The following HNRNPM variants were observed in gnomAD, a reference collection of about 807,000 sequenced individuals.
HNRNPM encodes the protein heterogeneous nuclear ribonucleoprotein M.
HNRNPM carries 11 observed loss-of-function variants against 73.1 expected under a neutral mutation model. That is an observed-to-expected ratio of 0.15 (90% confidence interval 0.09 to 0.25). The LOEUF is 0.25. HNRNPM is among the 10% of genes least tolerant of loss of function. The pLI is 1.00. For synonymous variants in HNRNPM, 407 were observed against 355.2 expected (o/e 1.15, Z -1.64); for missense variants, 789 against 1,067.9 (o/e 0.74, Z 3.64).
At chr19:8,478,950 T>C (rs75333886) in intron 12 of HNRNPM, among the ~76,000 whole-genome samples, 6,096 of 152,244 alleles carry the variant, frequency 0.04, 263 homozygotes, top group African/African-American at 0.1. Context: ...CAGAGGCATC[T>C]AGACCGACTA....
chr19:8,446,510 A>T (rs372564810), intron 1 of HNRNPM, among the ~76,000 whole-genome samples: 1 of 152,176 alleles, frequency 6.6e-6, no homozygotes, highest in African/African-American at 2.4e-5. Flanking sequence ...CCTGGGCTCA[A>T]TCGATCCTTC....
At chr19:8,472,289 A>G (rs761105222) in intron 10 of HNRNPM, among the ~76,000 whole-genome samples, 1 of 151,768 alleles carries the variant, frequency 6.6e-6, no homozygotes, top group African/African-American at 2.4e-5. Context: ...ATTAAGGAAT[A>G]TGTCATTTTT....
chr19:8,487,164 C>T (rs763864762), intron 15 of HNRNPM, 89 bp downstream of exon 15: 1 of 1,102,384 alleles, frequency 9.1e-7, no homozygotes, highest in Non-Finnish European at 1.4e-6. Context: ...TCCCAGCCCC[C>T]TCCGTCGGCT....
chr19:8,450,208 G>A (rs1968507963), intron 1 of HNRNPM, among the ~76,000 whole-genome samples: 1 of 152,160 alleles, frequency 6.6e-6, no homozygotes, highest in Admixed American at 6.5e-5. Flanking sequence ...TCTCACACGG[G>A]CAGAGGGGTC....
At chr19:8,485,003 G>T (rs182074905) in intron 13 of HNRNPM, among the ~76,000 whole-genome samples, 1 of 151,906 alleles carries the variant, frequency 6.6e-6, no homozygotes. Context: ...CCAGCTGTGT[G>T]CATTTGTACA....
Position 8,462,685 on chromosome 19 carries a change from T to C in HNRNPM, c.336+104T>C. 1 of 949,834 alleles carries C rather than the reference T, an allele frequency of 1.1e-6. No homozygotes were observed. The allele number at this position is 949,834 out of a possible 1,614,324, so 58.8% of individuals were successfully genotyped here. ...ATCAGGAAGGCAGTGAGTGCTCATGTTACAGTAGCTATGTTTGATTTTGCC... is the reference window on the plus strand; with the variant it reads ...ATCAGGAAGGCAGTGAGTGCTCATGCTACAGTAGCTATGTTTGATTTTGCC... On this transcript the variant is annotated intron_variant, in intron 3 of 15. Coordinates refer to ENST00000325495, the MANE Select transcript of HNRNPM (RefSeq NM_005968.5). The surrounding 1 kb of genome is among the most constrained non-coding windows in gnomAD (Gnocchi z 4.5).
At chr19:8,486,451 G>A (rs1361122983) in intron 14 of HNRNPM, 46 bp downstream of exon 14, 1 of 1,479,242 alleles carries the variant, frequency 6.8e-7, no homozygotes, top group South Asian at 1.3e-5. Context: ...AGCATGAGGG[G>A]ACAGGGGAGG....
At chr19:8,454,811 C>G (rs962256303) in intron 1 of HNRNPM, among the ~76,000 whole-genome samples, 3 of 151,390 alleles carry the variant, frequency 2.0e-5, no homozygotes, top group African/African-American at 2.4e-5. Context: ...CTGTTTCTGT[C>G]TTGGAATTAA....
chr19:8,447,858 C>T (rs1232050478), intron 1 of HNRNPM, among the ~76,000 whole-genome samples: 1 of 152,158 alleles, frequency 6.6e-6, no homozygotes, highest in Non-Finnish European at 1.5e-5. Context: ...AACCCCGTCT[C>T]TACTAAAAAT....
chr19:8,480,434 G>A (rs969956606), intron 12 of HNRNPM, among the ~76,000 whole-genome samples: 14 of 148,374 alleles, frequency 9.4e-5, no homozygotes, highest in African/African-American at 3.5e-4. Context: ...GCATGTGGCT[G>A]GGCAGGTGGA....
chr19:8,452,282 C>CT (rs1252701420), intron 1 of HNRNPM, among the ~76,000 whole-genome samples: 4 of 152,210 alleles, frequency 2.6e-5, no homozygotes, highest in Non-Finnish European at 5.9e-5. Context: ...ATCATGGACT[C>CT]TGTCAGAATG....
chr19:8,459,308 C>T (rs1021786653), intron 2 of HNRNPM, among the ~76,000 whole-genome samples: 17 of 152,184 alleles, frequency 1.1e-4, no homozygotes, highest in South Asian at 4.1e-4. Flanking sequence ...TGGCTTACCC[C>T]GTGTGGTCTC....
rs1344501590 is a variant in HNRNPM at position 8,452,179 on chromosome 19, CT to C, written c.114-3223del. Among the ~76,000 whole-genome samples, 3 of 152,204 alleles carry C rather than the reference CT, an allele frequency of 2.0e-5. No individual in the cohort carries two copies. The East Asian group carries it at 5.8e-4, about 29-fold the overall frequency. On this transcript the variant is annotated intron_variant, in intron 1 of 15. Coordinates refer to ENST00000325495, the MANE Select transcript of HNRNPM (RefSeq NM_005968.5). ...GCACCTGTGGAATATAGGTTAGACA[CT>C]TTGTTACCTGCTTTGGCTGTAATTA...
intron 1 of HNRNPM, among the ~76,000 whole-genome samples, chr19:8,450,244 A>G (rs1412867823): frequency 6.6e-6 from 1 of 152,124 alleles, no homozygotes; most frequent in East Asian, 1.9e-4. Flanking sequence ...ATGTGATCAC[A>G]ATTTCAGGGT....
chr19:8,447,535 G>A (rs1968288485), intron 1 of HNRNPM, among the ~76,000 whole-genome samples: 1 of 152,090 alleles, frequency 6.6e-6, no homozygotes. Context: ...GATGGTTGGG[G>A]AGGGGCAGGG....
intron 3 of HNRNPM, among the ~76,000 whole-genome samples, chr19:8,463,082 C>T (rs1252064390): frequency 6.6e-6 from 1 of 152,274 alleles, no homozygotes; most frequent in African/African-American, 2.4e-5. Flanking sequence ...AAACTATTTT[C>T]TGTCGTGCAA....
chr19:8,474,132 G>A (rs1970343697), intron 11 of HNRNPM, 35 bp from the exon 12 acceptor site: 2 of 1,497,558 alleles, frequency 1.3e-6, no homozygotes, highest in Admixed American at 2.1e-5. Flanking sequence ...AAGCAGTCTT[G>A]TTGGATGATG....
intron 8 of HNRNPM, among the ~76,000 whole-genome samples, chr19:8,467,985 C>T (rs909657693): frequency 6.6e-6 from 1 of 152,114 alleles, no homozygotes; most frequent in Non-Finnish European, 1.5e-5. Flanking sequence ...CGAGATCGTG[C>T]CACTGCACTC....
chr19:8,466,337 G>A lies in HNRNPM; in HGVS notation c.733G>A (p.Gly245Arg). ...ILEDKDGKSR[G>R]IGTVTFEQSI... is the part of the protein sequence containing the mutation. ...TGAAGATAAAGATGGAAAAAGTCGT[G>A]GAATAGGCACTGTTACTTTTGAACA... is the stretch of plus-strand genomic sequence containing the variant. Residue 245 changes from glycine (G) to arginine (R), a missense_variant, in exon 7 of 16, where the codon GGA (glycine) becomes AGA (arginine). Coordinates refer to ENST00000325495, the MANE Select transcript of HNRNPM (RefSeq NM_005968.5). The A allele has an allele frequency of 6.2e-7, 1 of 1,614,034 alleles. No homozygotes were observed.
Sources: allele counts gnomAD v4.1 joint callset (sites outside exome capture counted in the v4.1 genomes callset), GRCh38; gene constraint gnomAD v4.1.1; non-coding constraint Gnocchi (gnomAD v3.1); transcripts MANE v1.5; gene names NCBI Gene and HGNC (gene_info 2026-07-23, HGNC 2026-07-21).